PTPRO: variants seen among roughly 807,000 people sequenced by gnomAD.
The protein encoded by PTPRO is protein tyrosine phosphatase receptor type O, also known as receptor-type tyrosine-protein phosphatase O.
Under a neutral mutation model 145.2 loss-of-function variants are expected in PTPRO, and 62 were observed. The ratio of observed to expected loss-of-function variants is 0.43; its 90% CI spans 0.35 to 0.53. PTPRO has a LOEUF of 0.53. Among genes scored for constraint, PTPRO ranks in the 20% least tolerant of loss-of-function variants. The pLI is 0.01. For missense variants in PTPRO, 1,345 were observed against 1,482.7 expected (o/e 0.91, Z 1.53); for synonymous variants, 565 against 514.7 (o/e 1.10, Z -1.32).
intron 17 of PTPRO, among the ~76,000 whole-genome samples, chr12:15,564,579 C>T (rs1460918867): frequency 6.6e-6 from 1 of 152,190 alleles, no homozygotes; most frequent in Non-Finnish European, 1.5e-5. Flanking sequence ...CAAAGTACTG[C>T]TTCGTCCTGC....
intron 1 of PTPRO, among the ~76,000 whole-genome samples, chr12:15,426,427 T>A (rs1307001929): frequency 1.3e-5 from 2 of 152,062 alleles, no homozygotes; most frequent in Non-Finnish European, 2.9e-5. Context: ...GATATGTACT[T>A]ATAATGAAAA....
chr12:15,495,621 A>G (rs1490817929), intron 2 of PTPRO, among the ~76,000 whole-genome samples: 1 of 152,042 alleles, frequency 6.6e-6, no homozygotes, highest in Non-Finnish European at 1.5e-5. Flanking sequence ...GAGTTTTATC[A>G]AGCACAAAGT....
At chr12:15,580,595 T>C in intron 21 of PTPRO, 102 bp from the exon 22 acceptor site, 1 of 1,464,626 alleles carries the variant, frequency 6.8e-7, no homozygotes, top group Non-Finnish European at 9.5e-7. Context: ...CCTTTGCCAA[T>C]TTTATCACCA....
At chr12:15,486,399 C>G (rs1233781825) in intron 2 of PTPRO, among the ~76,000 whole-genome samples, 3 of 152,074 alleles carry the variant, frequency 2.0e-5, no homozygotes, top group African/African-American at 7.2e-5. Context: ...CCTAATCCAC[C>G]CTTTTGCTTT....
intron 1 of PTPRO, among the ~76,000 whole-genome samples, chr12:15,347,868 T>A (rs1867282787): frequency 6.6e-6 from 1 of 152,098 alleles, no homozygotes; most frequent in South Asian, 2.1e-4. Context: ...TTATGACAAA[T>A]AAATCAGATG....
intron 1 of PTPRO, among the ~76,000 whole-genome samples, chr12:15,403,861 G>A (rs1388657523): frequency 6.6e-6 from 1 of 151,952 alleles, no homozygotes; most frequent in Non-Finnish European, 1.5e-5. Flanking sequence ...CATGAGTACA[G>A]AGATCCCATG....
chr12:15,334,432 G>C (rs1866698695), intron 1 of PTPRO, among the ~76,000 whole-genome samples: 1 of 152,104 alleles, frequency 6.6e-6, no homozygotes, highest in Admixed American at 6.5e-5. Flanking sequence ...TAAAGTGTTA[G>C]TACATATAGA....
intron 1 of PTPRO, among the ~76,000 whole-genome samples, chr12:15,327,044 GCT>G (rs1216964944): frequency 6.6e-6 from 1 of 152,144 alleles, no homozygotes; most frequent in African/African-American, 2.4e-5. Flanking sequence ...TTATATAAAA[GCT>G]CTGACTGAGA....
chr12:15,439,310 C>T (rs114582949), intron 1 of PTPRO, among the ~76,000 whole-genome samples: 3,442 of 152,172 alleles, frequency 0.023, 144 homozygotes, highest in African/African-American at 0.078. Context: ...TACCTGTAAC[C>T]GCAAAAACAC....
intron 1 of PTPRO, among the ~76,000 whole-genome samples, chr12:15,347,818 T>C (rs181602552): frequency 6.6e-6 from 1 of 152,342 alleles, no homozygotes; most frequent in Admixed American, 6.5e-5. Flanking sequence ...CATGGCCCCA[T>C]GCAGGGCAGA....
At position 15,498,274 on chromosome 12, in the gene PTPRO, G is replaced by T. The variant is rs561957142; in HGVS notation, c.508+871G>T. Among the ~76,000 whole-genome samples, 19 of 152,262 alleles carry T rather than the reference G, an allele frequency of 1.2e-4. No homozygotes were observed. In the South Asian group the frequency reaches 3.5e-3, roughly 28 times the overall value. On this transcript the variant is annotated intron_variant, in intron 3 of 26. Coordinates refer to ENST00000281171, the MANE Select transcript of PTPRO (RefSeq NM_030667.3). ...CACTATTTAAAATATATGCAGTGGG[G>T]CTGGGAGTGGTGGCTCACGCCTGTA...
intron 1 of PTPRO, among the ~76,000 whole-genome samples, chr12:15,379,826 A>T (rs1302592292): frequency 1.3e-5 from 2 of 152,150 alleles, no homozygotes; most frequent in Non-Finnish European, 2.9e-5. Context: ...TTTTGGGGTG[A>T]TGAAAATATT....
intron 10 of PTPRO, among the ~76,000 whole-genome samples, chr12:15,522,923 C>A (rs1366974711): frequency 1.3e-5 from 2 of 152,102 alleles, no homozygotes; most frequent in Admixed American, 6.5e-5. Context: ...TGAGAAAATA[C>A]CCTTTGAAGA....
intron 9 of PTPRO, among the ~76,000 whole-genome samples, chr12:15,518,249 A>G (rs945188211): frequency 1.1e-4 from 16 of 152,106 alleles, no homozygotes; most frequent in African/African-American, 3.9e-4. Context: ...CTCTGAAGCC[A>G]CCACCTGATC....
At chr12:15,398,814 G>A (rs1939414297) in intron 1 of PTPRO, among the ~76,000 whole-genome samples, 1 of 151,938 alleles carries the variant, frequency 6.6e-6, no homozygotes, top group Non-Finnish European at 1.5e-5. Context: ...TCATATTTGG[G>A]GCATATCAAA....
chr12:15,336,306 A>C (rs1235372919), intron 1 of PTPRO, among the ~76,000 whole-genome samples: 1 of 151,954 alleles, frequency 6.6e-6, no homozygotes, highest in East Asian at 1.9e-4. Context: ...AATTTTTTTC[A>C]AGACCTGAAC....
chr12:15,546,772 A>G, intron 13 of PTPRO, 64 bp downstream of exon 13: 3 of 1,578,506 alleles, frequency 1.9e-6, no homozygotes, highest in South Asian at 2.2e-5. Context: ...TCTGGGCAAA[A>G]TAAGAATCTT....
intron 1 of PTPRO, among the ~76,000 whole-genome samples, chr12:15,459,154 T>C (rs1167155615): frequency 1.3e-5 from 2 of 152,062 alleles, no homozygotes; most frequent in African/African-American, 4.8e-5. Context: ...CCTGGAAAAA[T>C]TGAAACGTTA....
At chr12:15,445,821 C>A (rs1023095833) in intron 1 of PTPRO, among the ~76,000 whole-genome samples, 2 of 152,012 alleles carry the variant, frequency 1.3e-5, no homozygotes, top group African/African-American at 4.8e-5. Context: ...ATAAATTAAT[C>A]CTTATCTCCC....
Sources: gnomAD v4.1 joint callset for allele counts (sites outside exome capture counted in the v4.1 genomes callset) on GRCh38, gnomAD v4.1.1 for gene constraint, MANE v1.5 for transcripts, NCBI Gene and HGNC (gene_info 2026-07-23, HGNC 2026-07-21) for gene names.